The following PROZ variants were observed in gnomAD, a reference collection of about 807,000 sequenced individuals.
The protein encoded by PROZ is protein Z, vitamin K dependent plasma glycoprotein, also known as vitamin K-dependent protein Z.
PROZ carries 46 observed loss-of-function variants against 34.9 expected under a neutral mutation model. That is an observed-to-expected ratio of 1.32 (90% CI 1.04 to 1.69). PROZ has a LOEUF of 1.69. PROZ is among the 40% of genes most tolerant of loss of function. PROZ has a pLI of 0.00. For missense variants in PROZ, 530 were observed against 520.4 expected, an observed-to-expected ratio of 1.02 and a Z score of -0.18; for synonymous variants, 195 against 208.5, an observed-to-expected ratio of 0.94 and a Z score of 0.56.
In PROZ at chr13:113,170,412, G is replaced by A. The variant is rs1195868679; in HGVS notation, c.574-1G>A. On this transcript the variant is annotated splice_acceptor_variant, in intron 6 of 7. Coordinates refer to ENST00000375547, the MANE Select transcript of PROZ (RefSeq NM_003891.3). LOFTEE classifies it high-confidence loss of function. Reference sequence around the variant, plus strand: ...TTTATTGTCTGTTTTGATTTTTAAAGGTAAAGTTAACAAATTCCGAAGGAA... The same window carrying A: ...TTTATTGTCTGTTTTGATTTTTAAAAGTAAAGTTAACAAATTCCGAAGGAA... 1.3e-6 allele frequency: 2 copies of A among 1,559,886 alleles called. No individual in the cohort carries two copies. Among genetic ancestry groups the A allele is most frequent in the African/African-American group, 1.4e-5 (1 of 73,700 alleles).
At chr13:113,168,214 T>C (rs2037002759) in intron 6 of PROZ, among the ~76,000 whole-genome samples, 1 of 152,250 alleles carries the variant, frequency 6.6e-6, no homozygotes, top group African/African-American at 2.4e-5. Context: ...TATAGTGGAA[T>C]GCGGATAAAT....
In PROZ at chr13:113,163,009, G is replaced by C. The variant is rs1212849076; in HGVS notation, c.260G>C (p.Gly87Ala). ...VTDEFWRRYK[G>A]GSPCISQPCL... ...CCCAACCCCCATCCTCCTCCTGCAG[G>C]CGGCTCCCCGTGCATCTCCCAGCCC... is the stretch of plus-strand genomic sequence containing the variant. Residue 87 changes from glycine to alanine, a missense_variant and splice_region_variant, in exon 4 of 8, where the codon GGC becomes GCC. Physicochemically the swap from Gly to Ala is moderately conservative, Grantham distance 60. Coordinates refer to ENST00000375547, the MANE Select transcript of PROZ (RefSeq NM_003891.3). 1.6e-5 allele frequency: 24 copies of C among 1,547,960 alleles called. No individual in the cohort carries two copies. Among genetic ancestry groups the C allele is most frequent in the Non-Finnish European group, 2.6e-6 (3 of 1,144,358 alleles).
In PROZ at chr13:113,159,058, AG is replaced by A; in HGVS notation, c.70+333del. 1 of 260,636 alleles carries A rather than the reference AG, an allele frequency of 3.8e-6. No homozygotes were observed. Among genetic ancestry groups the A allele is most frequent in the Non-Finnish European group, 6.4e-6 (1 of 155,192 alleles). 16.1% of individuals were successfully genotyped at this position (260,636 alleles called of 1,614,324 possible). A position where few individuals can be genotyped will look rare whatever the true frequency, so the allele number is the denominator to read the frequency against. Reference sequence around the variant, plus strand: ...CCTGGGTTGGGCATTGGACGAGGGGAGGGGGTGGGGCAGGCTGAGCCCAGAC... The same window carrying A: ...CCTGGGTTGGGCATTGGACGAGGGGAGGGGTGGGGCAGGCTGAGCCCAGAC... On this transcript the variant is annotated intron_variant, in intron 1 of 7. Transcript: ENST00000375547. This position sits in a 1 kb window ranked among gnomAD's most constrained non-coding sequence, Gnocchi z 4.6.
chr13:113,165,333 C>G, intron 6 of PROZ: 1 of 642,502 alleles, frequency 1.6e-6, no homozygotes, highest in South Asian at 1.7e-5. Flanking sequence ...TTACAGCCCC[C>G]AAGACCTTTC....
chr13:113,166,272 A>T (rs1003360542), intron 6 of PROZ: 8 of 152,252 alleles, frequency 5.3e-5, no homozygotes, highest in Admixed American at 4.6e-4. Context: ...CCATGTAATG[A>T]ATATAAACAT....
At chr13:113,162,937 C>T (rs1595108568) in intron 3 of PROZ, 72 bp from the exon 4 acceptor site, 2 of 861,406 alleles carry the variant, frequency 2.3e-6, no homozygotes, top group East Asian at 6.7e-5. Context: ...TTCCTGTCAC[C>T]ACCCCCACCC....
At chr13:113,166,933 G>A (rs2036954263) in intron 6 of PROZ, among the ~76,000 whole-genome samples, 1 of 152,276 alleles carries the variant, frequency 6.6e-6, no homozygotes, top group East Asian at 1.9e-4. Flanking sequence ...ATATAACCAG[G>A]GAGGAGGCAT....
Position 113,171,739 on chromosome 13 carries a change from C to T in PROZ, c.837C>T (p.Pro279=), listed in dbSNP as rs754501641. 20 of 1,612,026 alleles carry T rather than the reference C, an allele frequency of 1.2e-5. No individual in the cohort carries two copies. The Middle Eastern group carries it at 4.9e-4, about 40-fold the overall frequency. ...WPIQCPGAGL[P]VCTPEKDFAE... ...TCCAGTGCCCAGGTGCGGGGCTCCC[C>T]GTGTGCACCCCTGAGAAAGACTTCG... is the stretch of plus-strand genomic sequence containing the variant. The change falls in exon 8 of 8, where the codon CCC becomes CCT. Residue 279 remains proline (P), a synonymous_variant. Transcript: ENST00000375547. This position sits in a 1 kb window ranked among gnomAD's most constrained non-coding sequence, Gnocchi z 5.1.
At chr13:113,166,416 G>T (rs1411326398) in intron 6 of PROZ, 1 of 152,122 alleles carries the variant, frequency 6.6e-6, no homozygotes, top group East Asian at 1.9e-4. Flanking sequence ...ACAGCCTCAG[G>T]GGCCCCCCTT....
Position 113,172,039 on chromosome 13 carries a change from G to A in PROZ, c.1137G>A (p.Gln379=), listed in dbSNP as rs1195179457. 6.8e-6 allele frequency: 11 copies of A among 1,613,084 alleles called. No individual in the cohort carries two copies. Among genetic ancestry groups the A allele is most frequent in the Non-Finnish European group, 7.6e-6 (9 of 1,180,020 alleles). ...GVLGSQPVGG[Q]AHMVLVTKVS... is the part of the protein sequence containing the mutation. ...TGGGCTCGCAGCCAGTAGGAGGGCA[G>A]GCTCACATGGTCCTTGTCACCAAGG... Residue 379 remains glutamine, a synonymous_variant, in exon 8 of 8, where the codon CAG becomes CAA. Transcript: ENST00000375547.
rs773369783 is a variant in PROZ at position 113,164,663 on chromosome 13, G to A, written c.505+19G>A. The A allele has an allele frequency of 1.2e-6, 2 of 1,612,818 alleles. No homozygotes were observed. The highest frequency in any genetic ancestry group is 2.7e-5 in the African/African-American group (2 of 74,892). ...CCCCACGGTGAGTGCTCAGACCACA[G>A]CGGCCTCCAGCTTCCAATGCCAGCG... On this transcript the variant is annotated intron_variant, in intron 5 of 7. Coordinates refer to ENST00000375547, the MANE Select transcript of PROZ (RefSeq NM_003891.3).
intron 6 of PROZ, among the ~76,000 whole-genome samples, chr13:113,169,470 G>A (rs989865694): frequency 2.6e-5 from 4 of 152,148 alleles, no homozygotes; most frequent in African/African-American, 9.7e-5. Flanking sequence ...TTTGTATGCC[G>A]TAATGGATTT....
Position 113,158,721 on chromosome 13 carries a change from G to C in PROZ, c.61G>C (p.Glu21Gln). ...LVLVLALHRVEPSVFLPASKA... is the reference protein window; with the variant it reads ...LVLVLALHRVQPSVFLPASKA... ...CCTGGTCCTCGCCCTCCATCGTGTG[G>C]AGCCCTCAGGTAGGCATCTGGCTTA... Residue 21 changes from glutamate (E) to glutamine (Q), a missense_variant, in exon 1 of 8, where the codon GAG (glutamate) becomes CAG (glutamine). Glu to Gln is a conservative substitution (Grantham distance 29). Coordinates refer to ENST00000375547, the MANE Select transcript of PROZ (RefSeq NM_003891.3). This position sits in a 1 kb window ranked among gnomAD's most constrained non-coding sequence, Gnocchi z 4.3. 1 of 1,604,394 alleles carries C rather than the reference G, an allele frequency of 6.2e-7. No homozygotes were observed. The highest frequency in any genetic ancestry group is 1.7e-5 in the Admixed American group (1 of 59,052).
chr13:113,170,324 G>C (rs1308757839), intron 6 of PROZ, 89 bp from the exon 7 acceptor site: 47 of 798,286 alleles, frequency 5.9e-5, no homozygotes, highest in Non-Finnish European at 1.0e-4. Context: ...GGGGTGGGGG[G>C]GTGGTCCATA....
At chr13:113,163,352 T>C (rs1019527861) in intron 4 of PROZ, among the ~76,000 whole-genome samples, 2 of 151,986 alleles carry the variant, frequency 1.3e-5, no homozygotes, top group Non-Finnish European at 2.9e-5. Context: ...CAGGCCCCCA[T>C]ACTTTTCATA....
At position 113,171,832 on chromosome 13, in the gene PROZ, G is replaced by C. The variant is rs763669575; in HGVS notation, c.930G>C (p.Leu310=). The C allele has an allele frequency of 6.2e-7, 1 of 1,613,628 alleles. No individual in the cohort carries two copies. Among genetic ancestry groups the C allele is most frequent in the Non-Finnish European group, 8.5e-7 (1 of 1,180,030 alleles). Residue 310 remains leucine, a synonymous_variant, in exon 8 of 8, where the codon CTG becomes CTC. Coordinates refer to ENST00000375547, the MANE Select transcript of PROZ (RefSeq NM_003891.3). The surrounding 1 kb of genome is among the most constrained non-coding windows in gnomAD (Gnocchi z 5.1). ...LSGWARNGTD[L]GNSLTTRPVT... is the part of the protein sequence containing the mutation. ...GCTGGGCACGCAATGGCACTGACCT[G>C]GGCAACTCGCTGACCACGCGGCCTG...
rs990675299 is a variant in PROZ at position 113,164,392 on chromosome 13, G to A, written c.374-121G>A. On this transcript the variant is annotated intron_variant, in intron 4 of 7. Coordinates refer to ENST00000375547, the MANE Select transcript of PROZ (RefSeq NM_003891.3). ...TGAGAACACATGGACCAACACACCA[G>A]AACTCTTGTGTGCAAGGCTGTGATA... 8 of 1,149,060 alleles carry A rather than the reference G, an allele frequency of 7.0e-6. No individual in the cohort carries two copies. The African/African-American group carries it at 1.1e-4, about 15-fold the overall frequency. 71.2% of individuals were successfully genotyped at this position (1,149,060 alleles called of 1,614,324 possible). A position where few individuals can be genotyped will look rare whatever the true frequency, so the allele number is the denominator to read the frequency against.
intron 6 of PROZ, 66 bp downstream of exon 6, chr13:113,165,186 A>G: frequency 6.6e-7 from 1 of 1,506,586 alleles, no homozygotes; most frequent in South Asian, 1.1e-5. Flanking sequence ...GTCATTTCCT[A>G]AATAGAAATG....
chr13:113,166,578 C>T (rs1327803057), intron 6 of PROZ, among the ~76,000 whole-genome samples: 1 of 152,206 alleles, frequency 6.6e-6, no homozygotes, highest in African/African-American at 2.4e-5. Context: ...CACCCAGCTC[C>T]AAGGTGGAGA....
Sources: allele counts gnomAD v4.1 joint callset (sites outside exome capture counted in the v4.1 genomes callset), GRCh38; gene constraint gnomAD v4.1.1; non-coding constraint Gnocchi (gnomAD v3.1); transcripts MANE v1.5; gene names NCBI Gene and HGNC (gene_info 2026-07-23, HGNC 2026-07-21).